Variants in CWC27 observed in about 807,000 individuals in gnomAD.
The protein encoded by CWC27 is spliceosome-associated protein CWC27 homolog.
A neutral mutation model predicts 63.6 loss-of-function variants in CWC27; 47 were observed. The ratio of observed to expected loss-of-function variants is 0.74; its 90% CI spans 0.58 to 0.94. The LOEUF (loss-of-function observed/expected upper bound fraction) is 0.94, where lower values mean the gene tolerates loss of function less well. Ranked by LOEUF, CWC27 falls within the 40% of genes least tolerant of loss-of-function variation. The pLI is 0.00. For missense variants in CWC27, 495 were observed against 554.3 expected (o/e 0.89, Z 1.07); for synonymous variants, 175 against 179.8 (o/e 0.97, Z 0.22).
chr5:64,848,727 G>C (rs1415354426), intron 10 of CWC27, among the ~76,000 whole-genome samples: 2 of 152,042 alleles, frequency 1.3e-5, no homozygotes, highest in African/African-American at 4.8e-5. Context: ...ACAAAATGAA[G>C]TATAAAAACC....
At chr5:64,811,778 CAG>C (rs1187921700) in intron 10 of CWC27, among the ~76,000 whole-genome samples, 1 of 151,938 alleles carries the variant, frequency 6.6e-6, no homozygotes, top group Non-Finnish European at 1.5e-5. Flanking sequence ...ATGATAGCAT[CAG>C]GAATTTAGAT....
rs115959899 is a variant in CWC27 at position 64,852,194 on chromosome 5, T to C, written c.939-33249T>C. Among the ~76,000 whole-genome samples, 1,401 of 152,334 alleles carry C rather than the reference T, an allele frequency of 9.2e-3. 28 individuals are homozygous for C. The highest frequency in any genetic ancestry group is 0.032 in the African/African-American group (1,351 of 41,570). On this transcript the variant is annotated intron_variant, in intron 10 of 13. Transcript: ENST00000381070. ...TAATTTTGTATCTGCTACTAACTAA[T>C]GCCTCGTATTTGGTCATGTTTTTAT...
chr5:64,774,903 G>A (rs914976159), intron 2 of CWC27, 116 bp downstream of exon 2: 8 of 614,526 alleles, frequency 1.3e-5, no homozygotes, highest in African/African-American at 1.9e-5. Flanking sequence ...GACAGGTGTT[G>A]CTATGAGGAT....
chr5:64,952,389 T>G (rs1199214814), intron 11 of CWC27, among the ~76,000 whole-genome samples: 1 of 152,006 alleles, frequency 6.6e-6, no homozygotes, highest in Non-Finnish European at 1.5e-5. Context: ...TTTCACTTCT[T>G]AGTGGGCCAT....
intron 2 of CWC27, among the ~76,000 whole-genome samples, chr5:64,777,867 T>TA (rs1475613677): frequency 6.6e-6 from 1 of 152,132 alleles, no homozygotes; most frequent in Non-Finnish European, 1.5e-5. Context: ...AAATAGTAGA[T>TA]ATGGAAGATT....
chr5:64,769,711 C>T (rs896019285), intron 1 of CWC27, among the ~76,000 whole-genome samples: 3 of 152,120 alleles, frequency 2.0e-5, no homozygotes, highest in African/African-American at 7.2e-5. Flanking sequence ...GAGAAGAGAC[C>T]AGGTTGCTAT....
chr5:64,829,668 AGTTCTGG>A (rs1311706630), intron 10 of CWC27, among the ~76,000 whole-genome samples: 1 of 145,868 alleles, frequency 6.9e-6, no homozygotes, highest in Non-Finnish European at 1.5e-5. Flanking sequence ...TTTTACTATA[AGTTCTGG>A]GATACATGTA....
intron 10 of CWC27, among the ~76,000 whole-genome samples, chr5:64,879,991 C>T (rs1366182807): frequency 6.6e-6 from 1 of 151,872 alleles, no homozygotes; most frequent in East Asian, 1.9e-4. Context: ...CCCTGTTTTT[C>T]CACCTCTCTT....
Position 64,885,468 on chromosome 5 carries a change from CAATT to C in CWC27, c.967_970del (p.Leu323AsnfsTer5). 6.2e-7 allele frequency: 1 copy of C among 1,608,400 alleles called. No individual in the cohort carries two copies. Among genetic ancestry groups the C allele is most frequent in the Non-Finnish European group, 8.5e-7 (1 of 1,177,468 alleles). On this transcript the variant is annotated frameshift_variant, in exon 11 of 14. Coordinates refer to ENST00000381070, the MANE Select transcript of CWC27 (RefSeq NM_005869.4). LOFTEE classifies it high-confidence loss of function. The stretch of plus-strand genomic sequence containing the variant: ...TGAAGAGCTCAGAAAAGAAGCAAGA[CAATT>C]AAAACGGGAACTCTTAGCAGCAAAA...
intron 4 of CWC27, among the ~76,000 whole-genome samples, chr5:64,784,804 GA>G (rs746343198): frequency 3.6e-4 from 55 of 152,326 alleles, no homozygotes; most frequent in Middle Eastern, 3.4e-3. Flanking sequence ...AGTGGGTTAG[GA>G]AATATGCATT....
At chr5:64,911,283 C>T (rs1747780810) in intron 11 of CWC27, among the ~76,000 whole-genome samples, 1 of 152,106 alleles carries the variant, frequency 6.6e-6, no homozygotes, top group South Asian at 2.1e-4. Flanking sequence ...GCACCTCTAA[C>T]CTGTAGTCAC....
At chr5:64,778,845 C>G (rs758635646) in intron 2 of CWC27, among the ~76,000 whole-genome samples, 6 of 152,144 alleles carry the variant, frequency 3.9e-5, no homozygotes, top group African/African-American at 7.2e-5. Flanking sequence ...GTAAATGCAG[C>G]CCAACTGCCC....
intron 11 of CWC27, among the ~76,000 whole-genome samples, chr5:64,913,122 T>A (rs1747824567): frequency 6.6e-6 from 1 of 152,192 alleles, no homozygotes; most frequent in African/African-American, 2.4e-5. Flanking sequence ...CAATGTAATT[T>A]ATCACATTAA....
chr5:64,792,489 A>C (rs1290625069), intron 7 of CWC27, among the ~76,000 whole-genome samples: 1 of 152,150 alleles, frequency 6.6e-6, no homozygotes, highest in Non-Finnish European at 1.5e-5. Context: ...TGTTTTCAAC[A>C]CCTGAAATGC....
At position 64,900,817 on chromosome 5, in the gene CWC27, T is replaced by C. The variant is rs1033324314; in HGVS notation, c.1042+15271T>C. Among the ~76,000 whole-genome samples the C allele has an allele frequency of 3.3e-5, 5 of 152,130 alleles. No homozygotes were observed. The East Asian group carries it at 9.6e-4, about 29-fold the overall frequency. On this transcript the variant is annotated intron_variant, in intron 11 of 13. Transcript: ENST00000381070. ...TATCGTTGTGTAAACACCATGTGAG[T>C]GTTCTTACACAAAGCTTACTCAAAA...
intron 11 of CWC27, among the ~76,000 whole-genome samples, chr5:64,966,175 C>A (rs1749008577): frequency 6.6e-6 from 1 of 151,790 alleles, no homozygotes; most frequent in Non-Finnish European, 1.5e-5. Context: ...ATGTGTATAG[C>A]TTCATAATCT....
chr5:64,817,756 A>G (rs936725228), intron 10 of CWC27, among the ~76,000 whole-genome samples: 1 of 152,062 alleles, frequency 6.6e-6, no homozygotes, highest in African/African-American at 2.4e-5. Flanking sequence ...TATTATTTAG[A>G]TATAGCTATA....
At chr5:64,783,078 A>T (rs955421344) in intron 3 of CWC27, among the ~76,000 whole-genome samples, 7 of 152,194 alleles carry the variant, frequency 4.6e-5, no homozygotes, top group African/African-American at 1.7e-4. Flanking sequence ...CAGTATACAG[A>T]GTTATGATCC....
At position 64,821,471 on chromosome 5, in the gene CWC27, A is replaced by G. The variant is rs377273982; in HGVS notation, c.938+17085A>G. Among the ~76,000 whole-genome samples the G allele has an allele frequency of 3.3e-4, 50 of 152,346 alleles. No individual in the cohort carries two copies. In the East Asian group the frequency reaches 4.0e-3, roughly 12 times the overall value. On this transcript the variant is annotated intron_variant, in intron 10 of 13. Coordinates refer to ENST00000381070, the MANE Select transcript of CWC27 (RefSeq NM_005869.4). ...ACTATTAAGCCAAAAAGGATTTAAC[A>G]TTTTCTATGTATTGTTACTTCACAC...
Sources: gnomAD v4.1 joint callset for allele counts (sites outside exome capture counted in the v4.1 genomes callset) on GRCh38, gnomAD v4.1.1 for gene constraint, MANE v1.5 for transcripts, NCBI Gene and HGNC (gene_info 2026-07-23, HGNC 2026-07-21) for gene names.